Variants in CLIP1 observed in about 807,000 individuals in gnomAD.
CLIP1 encodes CAP-Gly domain containing linker protein 1.
CLIP1 carries 66 observed loss-of-function variants against 161.6 expected under a neutral mutation model. That is an observed-to-expected ratio of 0.41 (90% CI 0.33 to 0.50). The LOEUF (loss-of-function observed/expected upper bound fraction) is 0.50, where lower values mean the gene tolerates loss of function less well. CLIP1 is among the 20% of genes least tolerant of loss of function. CLIP1 has a pLI of 0.27. For synonymous variants in CLIP1, 598 were observed against 626.2 expected, an observed-to-expected ratio of 0.96 and a Z score of 0.67; for missense variants, 1,376 against 1,702.0, an observed-to-expected ratio of 0.81 and a Z score of 3.37.
At chr12:122,397,857 A>C (rs1246167432) in intron 1 of CLIP1, among the ~76,000 whole-genome samples, 3 of 151,902 alleles carry the variant, frequency 2.0e-5, no homozygotes, top group Admixed American at 2.0e-4. Context: ...CAGTAGGCTG[A>C]GGCAGGATAA....
intron 2 of CLIP1, 110 bp downstream of exon 2, chr12:122,380,258 T>G: frequency 1.6e-6 from 1 of 613,546 alleles, no homozygotes. Context: ...AAAAAAAAAA[T>G]CTTTCAAATA....
chr12:122,398,500 T>G (rs1476149712), intron 1 of CLIP1, among the ~76,000 whole-genome samples: 1 of 151,920 alleles, frequency 6.6e-6, no homozygotes, highest in African/African-American at 2.4e-5. Flanking sequence ...AGCATTATAA[T>G]GTGAATAATT....
intron 1 of CLIP1, among the ~76,000 whole-genome samples, chr12:122,403,676 A>G (rs1956221038): frequency 6.6e-6 from 1 of 150,828 alleles, no homozygotes; most frequent in Admixed American, 6.6e-5. Flanking sequence ...CCGTCACCAC[A>G]CCCAGCTAAT....
rs1278255572 is a variant in CLIP1, at chr12:122,323,018, A to G, written c.3250-3670T>C. 2 of 152,532 alleles carry G rather than the reference A, an allele frequency of 1.3e-5. No individual in the cohort carries two copies. The highest frequency in any genetic ancestry group is 2.9e-5 in the Non-Finnish European group (2 of 68,022). The allele number at this position is 152,532 out of a possible 1,614,324, so 9.4% of individuals were successfully genotyped here. ...TTGAAGCTCCTTCTTCAGAGCATCA[A>G]TATTACCGAGGAGTTTCATATTCTC... On this transcript the variant is annotated intron_variant, in intron 17 of 25. Coordinates refer to ENST00000620786, the MANE Select transcript of CLIP1 (RefSeq NM_001247997.2). The surrounding 1 kb of genome is among the most constrained non-coding windows in gnomAD (Gnocchi z 4.1).
At chr12:122,421,874 C>T (rs961212247) in intron 1 of CLIP1, among the ~76,000 whole-genome samples, 6 of 152,248 alleles carry the variant, frequency 3.9e-5, no homozygotes, top group African/African-American at 1.4e-4. Flanking sequence ...AATCCCCTGC[C>T]GCGGTAGAAG....
At chr12:122,364,798 GA>G (rs1410253247) in intron 3 of CLIP1, 1 of 1,042,822 alleles carries the variant, frequency 9.6e-7, no homozygotes, top group Non-Finnish European at 1.4e-6. Flanking sequence ...AACACAAAGC[GA>G]AAGAGGAGAG....
chr12:122,288,355 C>T, intron 21 of CLIP1, 134 bp downstream of exon 21: 1 of 737,226 alleles, frequency 1.4e-6, no homozygotes, highest in Non-Finnish European at 2.2e-6. Context: ...TTGTCAGTTA[C>T]AAGTACCAAA....
chr12:122,301,650 G>A (rs2136425938), intron 20 of CLIP1, among the ~76,000 whole-genome samples: 1 of 152,294 alleles, frequency 6.6e-6, no homozygotes, highest in Admixed American at 6.5e-5. Flanking sequence ...CTCCAGCCTG[G>A]GCGACAGAAT....
intron 21 of CLIP1, among the ~76,000 whole-genome samples, chr12:122,284,445 C>T (rs898968183): frequency 2.6e-4 from 39 of 151,948 alleles, no homozygotes; most frequent in Admixed American, 1.3e-3. Flanking sequence ...CTCTGCATCC[C>T]GGGTTGAAGC....
At chr12:122,393,912 C>CAAAAAAAAAA (rs71082981) in intron 1 of CLIP1, among the ~76,000 whole-genome samples, 25,380 of 62,222 alleles carry the variant, frequency 0.41, 8,467 homozygotes, top group Non-Finnish European at 0.58. Flanking sequence ...ATTCTGTCTC[C>CAAAAAAAAAA]AAAAAAAAAA....
chr12:122,290,978 A>T (rs531654373), intron 20 of CLIP1, among the ~76,000 whole-genome samples: 26 of 147,502 alleles, frequency 1.8e-4, no homozygotes, highest in African/African-American at 6.5e-4. Flanking sequence ...CTGCAACCTC[A>T]GCCTCCTGGG....
intron 8 of CLIP1, 24 bp downstream of exon 8, chr12:122,352,702 G>T (rs368563377): frequency 4.4e-5 from 70 of 1,601,030 alleles, no homozygotes; most frequent in Middle Eastern, 3.3e-4. Flanking sequence ...CATAAAAGCT[G>T]TAAGAGAGCT....
Position 122,361,056 on chromosome 12 carries a change from G to A in CLIP1, c.908C>T (p.Thr303Met), listed in dbSNP as rs199963087. Residue 303 changes from threonine (T) to methionine (M), a missense_variant, in exon 5 of 26, where the codon ACG becomes ATG. Thr to Met is a moderately conservative substitution (Grantham distance 81, BLOSUM62 -1). Transcript: ENST00000620786. ...ANAVRRVMAT[T>M]SASLKRSPSA... ...AGGGCTGCGCTTCAGGCTGGCGGAC[G>A]TGGTCGCCATCACTCGCCTCACTGC... 1.3e-5 allele frequency: 21 copies of A among 1,614,244 alleles called. No individual in the cohort carries two copies. The highest frequency in any genetic ancestry group is 3.3e-5 in the Admixed American group (2 of 60,022).
intron 20 of CLIP1, among the ~76,000 whole-genome samples, chr12:122,309,184 TA>T: frequency 1.3e-5 from 2 of 152,328 alleles, no homozygotes; most frequent in South Asian, 4.1e-4. Context: ...AATATAGAAG[TA>T]AATAGGTTGT....
intron 24 of CLIP1, 172 bp from the exon 25 acceptor site, chr12:122,274,334 G>A: frequency 1.8e-6 from 1 of 545,894 alleles, no homozygotes; most frequent in Non-Finnish European, 3.3e-6. Flanking sequence ...GGCATGCTGA[G>A]ATTGTGTGAG....
chr12:122,419,576 T>C (rs978385692), intron 1 of CLIP1, among the ~76,000 whole-genome samples: 45 of 151,882 alleles, frequency 3.0e-4, no homozygotes, highest in African/African-American at 1.1e-3. Context: ...GTATGGGCCA[T>C]AAGAGAATCA....
chr12:122,288,038 C>CT (rs544838998), intron 21 of CLIP1, among the ~76,000 whole-genome samples: 3,010 of 144,598 alleles, frequency 0.021, 51 homozygotes, highest in African/African-American at 0.041. Flanking sequence ...TTCTCTTTTT[C>CT]TTTTTTTTTT....
Position 122,278,591 on chromosome 12 carries a change from A to G in CLIP1, c.3916+201T>C, listed in dbSNP as rs975936408. 6 of 566,810 alleles carry G rather than the reference A, an allele frequency of 1.1e-5. No homozygotes were observed. In the Admixed American group the frequency reaches 1.4e-4, roughly 13 times the overall value. The allele number at this position is 566,810 out of a possible 1,614,324, so 35.1% of individuals were successfully genotyped here. On this transcript the variant is annotated intron_variant, in intron 23 of 25. Coordinates refer to ENST00000620786, the MANE Select transcript of CLIP1 (RefSeq NM_001247997.2). ...CAGCCATCATAGTAGGTTTGTGACA[A>G]TATTGACAGACCACAAGAAGCCCCA...
intron 3 of CLIP1, among the ~76,000 whole-genome samples, chr12:122,375,308 T>G (rs1954662608): frequency 6.6e-6 from 1 of 150,978 alleles, no homozygotes; most frequent in Non-Finnish European, 1.5e-5. Context: ...TGAAAGGCCC[T>G]GAAATTCTTT....
Sources: allele counts gnomAD v4.1 joint callset (sites outside exome capture counted in the v4.1 genomes callset), GRCh38; gene constraint gnomAD v4.1.1; non-coding constraint Gnocchi (gnomAD v3.1); transcripts MANE v1.5; gene names NCBI Gene and HGNC (gene_info 2026-07-23, HGNC 2026-07-21).